Variants in TRIQK observed in about 807,000 individuals in gnomAD.
The protein encoded by TRIQK is triple QxxK/R motif containing.
In TRIQK, 10 loss-of-function variants were observed where a neutral mutation model predicts 10.8. That is an observed-to-expected ratio of 0.92 (90% CI 0.57 to 1.57). The LOEUF is 1.57. Ranked by LOEUF, TRIQK falls within the 40% of genes most tolerant of loss-of-function variation. TRIQK has a pLI of 0.00. For synonymous variants in TRIQK, 33 were observed against 33.7 expected (o/e 0.98, Z 0.07); for missense variants, 107 against 97.7 (o/e 1.09, Z -0.40).
At chr8:92,920,281 T>G (rs1384987005) in intron 2 of TRIQK, among the ~76,000 whole-genome samples, 1 of 151,724 alleles carries the variant, frequency 6.6e-6, no homozygotes, top group Non-Finnish European at 1.5e-5. Context: ...GAATACAATG[T>G]TACAGTCGTA....
chr8:92,893,362 T>G (rs1450081950), intron 3 of TRIQK, among the ~76,000 whole-genome samples: 1 of 152,028 alleles, frequency 6.6e-6, no homozygotes, highest in East Asian at 1.9e-4. Context: ...GCAAGGTATT[T>G]TGTTTTTAAA....
upstream of TRIQK, among the ~76,000 whole-genome samples, chr8:92,967,634 C>A (rs917213305): frequency 6.6e-6 from 1 of 151,602 alleles, no homozygotes; most frequent in Admixed American, 6.6e-5. Flanking sequence ...CCAGCCTGGC[C>A]AACATGGTGA....
chr8:92,965,063 T>C (rs1201538943), intron 1 of TRIQK: 1 of 152,160 alleles, frequency 6.6e-6, no homozygotes, highest in African/African-American at 2.4e-5. Context: ...CAAAGGCAGA[T>C]TTAAAATGGT....
chr8:92,974,344 C>T (rs922858198), intron 1 of TRIQK: 2 of 152,266 alleles, frequency 1.3e-5, no homozygotes, highest in African/African-American at 2.4e-5. Context: ...ACAGCTCCCA[C>T]CTCAAACCAA....
intron 1 of TRIQK, among the ~76,000 whole-genome samples, chr8:92,982,062 C>T (rs916643937): frequency 2.8e-4 from 42 of 151,366 alleles, no homozygotes; most frequent in Admixed American, 8.6e-4. Flanking sequence ...GCCTTATTTT[C>T]GAGATATCTA....
intron 2 of TRIQK, among the ~76,000 whole-genome samples, chr8:92,927,507 G>A (rs1316285947): frequency 6.6e-6 from 1 of 152,136 alleles, no homozygotes; most frequent in Non-Finnish European, 1.5e-5. Flanking sequence ...TTTTACTAGA[G>A]AAGAAAGGTT....
chr8:92,958,772 G>C (rs1299948973), intron 1 of TRIQK, among the ~76,000 whole-genome samples: 1 of 151,946 alleles, frequency 6.6e-6, no homozygotes, highest in Non-Finnish European at 1.5e-5. Context: ...AACTTCTTCT[G>C]CTTTCTAGAT....
At chr8:92,901,404 G>A (rs888329690) in intron 3 of TRIQK, among the ~76,000 whole-genome samples, 2 of 151,998 alleles carry the variant, frequency 1.3e-5, no homozygotes, top group Non-Finnish European at 1.5e-5. Context: ...CTTTTATTAC[G>A]TTGAGGTATG....
At chr8:92,979,016 A>G (rs1812959655) in intron 1 of TRIQK, among the ~76,000 whole-genome samples, 1 of 152,162 alleles carries the variant, frequency 6.6e-6, no homozygotes, top group Non-Finnish European at 1.5e-5. Flanking sequence ...TCTCATGTCA[A>G]AAATCTGTGG....
intron 3 of TRIQK, among the ~76,000 whole-genome samples, chr8:92,915,615 CCA>C (rs1333907377): frequency 2.6e-5 from 4 of 151,860 alleles, no homozygotes; most frequent in Admixed American, 2.0e-4. Context: ...GCTCAGCCTC[CCA>C]GGTAGCTGGG....
At chr8:92,908,134 C>T (rs1296028147) in intron 3 of TRIQK, among the ~76,000 whole-genome samples, 1 of 151,922 alleles carries the variant, frequency 6.6e-6, no homozygotes, top group Non-Finnish European at 1.5e-5. Context: ...AATTCCTTAC[C>T]CTTGCCCAGA....
intron 1 of TRIQK, among the ~76,000 whole-genome samples, chr8:93,001,803 G>A (rs983082810): frequency 3.3e-5 from 5 of 152,148 alleles, no homozygotes; most frequent in Non-Finnish European, 7.4e-5. Flanking sequence ...CACATTTATA[G>A]AACATTTTAT....
chr8:92,940,259 C>A (rs1811199984), intron 2 of TRIQK, among the ~76,000 whole-genome samples: 1 of 151,512 alleles, frequency 6.6e-6, no homozygotes. Context: ...ATGTACAGAC[C>A]TATCAATAAT....
intron 1 of TRIQK, among the ~76,000 whole-genome samples, chr8:92,990,648 G>GTTCCCT (rs1192796211): frequency 6.6e-6 from 1 of 152,130 alleles, no homozygotes; most frequent in Non-Finnish European, 1.5e-5. Context: ...GAAGTGCAAA[G>GTTCCCT]GGTCAGGGAA....
rs190569831 is a variant in TRIQK, at chr8:92,945,783, T to C, written c.-22+8623A>G. ...AGCTATATGTATTAAATTTAGGATA[T>C]AAAATACAGTTAATTATCAATTAAG... On this transcript the variant is annotated intron_variant, in intron 2 of 4. Transcript: ENST00000521988. Among the ~76,000 whole-genome samples, 30 of 152,252 alleles carry C rather than the reference T, an allele frequency of 2.0e-4. 1 individual carries two copies. The highest frequency in any genetic ancestry group is 3.2e-4 in the Non-Finnish European group (22 of 67,996).
upstream of TRIQK, among the ~76,000 whole-genome samples, chr8:92,969,590 T>C (rs1812853905): frequency 6.6e-6 from 1 of 151,668 alleles, no homozygotes; most frequent in Non-Finnish European, 1.5e-5. Context: ...TTTTATTTAT[T>C]TATTTTATTT....
intron 1 of TRIQK, among the ~76,000 whole-genome samples, chr8:92,985,951 C>T (rs78128980): frequency 1.1e-4 from 16 of 152,216 alleles, no homozygotes; most frequent in African/African-American, 2.4e-4. Context: ...TAATTTACAA[C>T]GACTAATTAA....
rs1816628024 is a variant in TRIQK at position 92,889,052 on chromosome 8, G to A, written c.148-2317C>T. On this transcript the variant is annotated intron_variant, in intron 4 of 4. Coordinates refer to ENST00000521988, the MANE Select transcript of TRIQK (RefSeq NM_001171797.2). ...ATTGCATTACTGGGCCATAAATTAT[G>A]GCATTTTCTTTGTATTTCTAAAACA... Among the ~76,000 whole-genome samples the A allele has an allele frequency of 4.0e-5, 6 of 151,430 alleles. No individual in the cohort carries two copies. In the South Asian group the frequency reaches 1.2e-3, roughly 31 times the overall value.
At chr8:92,899,762 T>C (rs1279473544) in intron 3 of TRIQK, among the ~76,000 whole-genome samples, 12 of 152,202 alleles carry the variant, frequency 7.9e-5, no homozygotes, top group Admixed American at 1.3e-4. Context: ...TTTGCATATA[T>C]ACTTAGCAGT....
Sources: gnomAD v4.1 joint callset for allele counts (sites outside exome capture counted in the v4.1 genomes callset) on GRCh38, gnomAD v4.1.1 for gene constraint, MANE v1.5 for transcripts, NCBI Gene and HGNC (gene_info 2026-07-23, HGNC 2026-07-21) for gene names.